The following LOC128125817 variants were observed in gnomAD, a reference collection of about 807,000 sequenced individuals.
chr1:41,627,549 G>A, the LOC128125817 span, among the ~76,000 whole-genome samples: 1 of 152,194 alleles, frequency 6.6e-6, no homozygotes, highest in Non-Finnish European at 1.5e-5. Context: ...ACTGTGGGCA[G>A]AGACACAGGC....
chr1:41,599,393 T>A, the LOC128125817 span, among the ~76,000 whole-genome samples: 1 of 152,216 alleles, frequency 6.6e-6, no homozygotes, highest in African/African-American at 2.4e-5. Context: ...AATCACATAA[T>A]CATAAAGGAG....
chr1:41,607,440 C>G, the LOC128125817 span, among the ~76,000 whole-genome samples: 10,494 of 152,222 alleles, frequency 0.069, 1,029 homozygotes, highest in East Asian at 0.47. Flanking sequence ...TCCAATTGTG[C>G]TATCTTCATA....
the LOC128125817 span, among the ~76,000 whole-genome samples, chr1:41,605,673 T>C: frequency 6.6e-6 from 1 of 151,954 alleles, no homozygotes; most frequent in Non-Finnish European, 1.5e-5. Context: ...GCTTTAGAGA[T>C]ACACACACTG....
At chr1:41,623,110 G>T in the LOC128125817 span, among the ~76,000 whole-genome samples, 2 of 152,200 alleles carry the variant, frequency 1.3e-5, no homozygotes, top group African/African-American at 4.8e-5. Context: ...TCAGTGTCAA[G>T]CATGTTTTTG....
At chr1:41,618,470 G>A in the LOC128125817 span, among the ~76,000 whole-genome samples, 1 of 152,318 alleles carries the variant, frequency 6.6e-6, no homozygotes, top group African/African-American at 2.4e-5. Flanking sequence ...GCCCATCCTT[G>A]TGGCTCCTGG....
chr1:41,621,178 C>T, the LOC128125817 span, among the ~76,000 whole-genome samples: 2 of 152,214 alleles, frequency 1.3e-5, no homozygotes, highest in South Asian at 2.1e-4. Context: ...TGTGGTGCAC[C>T]CATAGCCATG....
At chr1:41,602,911 G>A in the LOC128125817 span, among the ~76,000 whole-genome samples, 7 of 151,760 alleles carry the variant, frequency 4.6e-5, no homozygotes, top group African/African-American at 1.7e-4. Flanking sequence ...GGTATGTTGT[G>A]TTTTTGTTTT....
the LOC128125817 span, among the ~76,000 whole-genome samples, chr1:41,627,937 T>C: frequency 7.0e-6 from 1 of 142,144 alleles, no homozygotes; most frequent in Non-Finnish European, 1.5e-5. Flanking sequence ...CTCTTTCTAA[T>C]CCCCAGCTCT....
chr1:41,627,180 C>A, the LOC128125817 span, among the ~76,000 whole-genome samples: 5 of 152,206 alleles, frequency 3.3e-5, no homozygotes, highest in Non-Finnish European at 7.3e-5. Context: ...CCCACACACG[C>A]CAGAAGGGTG....
chr1:41,617,952 G>C, the LOC128125817 span, among the ~76,000 whole-genome samples: 6 of 152,192 alleles, frequency 3.9e-5, no homozygotes. Flanking sequence ...CATGTCATTG[G>C]GTGTGTGGCA....
chr1:41,617,803 C>T, the LOC128125817 span, among the ~76,000 whole-genome samples: 1 of 152,236 alleles, frequency 6.6e-6, no homozygotes, highest in Admixed American at 6.5e-5. Flanking sequence ...TCTACTCCCA[C>T]ATCATAAGAA....
chr1:41,604,058 C>G, the LOC128125817 span, among the ~76,000 whole-genome samples: 1 of 152,232 alleles, frequency 6.6e-6, no homozygotes, highest in Non-Finnish European at 1.5e-5. Flanking sequence ...TGTGGTACAA[C>G]TGGAACTCTT....
chr1:41,627,937 T>A, the LOC128125817 span, among the ~76,000 whole-genome samples: 1,915 of 142,294 alleles, frequency 0.013, 46 homozygotes, highest in African/African-American at 0.044. Flanking sequence ...CTCTTTCTAA[T>A]CCCCAGCTCT....
At chr1:41,603,183 C>T in the LOC128125817 span, among the ~76,000 whole-genome samples, 1 of 152,086 alleles carries the variant, frequency 6.6e-6, no homozygotes, top group African/African-American at 2.4e-5. Flanking sequence ...TCTCCTGCCC[C>T]AGCCTCCTGA....
At chr1:41,593,907 TTC>T in the LOC128125817 span, among the ~76,000 whole-genome samples, 1 of 152,170 alleles carries the variant, frequency 6.6e-6, no homozygotes, top group Admixed American at 6.5e-5. Flanking sequence ...CTTTCCCAAC[TTC>T]TAGAGGGTAC....
chr1:41,598,256 T>C, the LOC128125817 span, among the ~76,000 whole-genome samples: 1 of 152,256 alleles, frequency 6.6e-6, no homozygotes, highest in Non-Finnish European at 1.5e-5. Context: ...TGATCTCTTG[T>C]CAGTTTCTGG....
At chr1:41,596,909 A>G in the LOC128125817 span, among the ~76,000 whole-genome samples, 1 of 152,158 alleles carries the variant, frequency 6.6e-6, no homozygotes, top group Non-Finnish European at 1.5e-5. Context: ...CTTGCATCAA[A>G]GTCCTCCCTG....
chr1:41,589,315 G>C, the LOC128125817 span, among the ~76,000 whole-genome samples: 8 of 152,214 alleles, frequency 5.3e-5, no homozygotes, highest in South Asian at 4.1e-4. Context: ...ATAACCCTGA[G>C]GGGAACCTGA....
At chr1:41,614,614 A>C in the LOC128125817 span, among the ~76,000 whole-genome samples, 1 of 152,226 alleles carries the variant, frequency 6.6e-6, no homozygotes, top group African/African-American at 2.4e-5. Context: ...TTTATTCCAC[A>C]GTAGATTTGA....
Sources: gnomAD v4.1 joint callset for allele counts (sites outside exome capture counted in the v4.1 genomes callset) on GRCh38, gnomAD v4.1.1 for gene constraint, MANE v1.5 for transcripts.